Variants in CACNA1E observed in about 807,000 individuals in gnomAD.
CACNA1E encodes calcium voltage-gated channel subunit alpha1 E, also known as voltage-dependent R-type calcium channel subunit alpha-1E.
CACNA1E carries 40 observed loss-of-function variants against 259.2 expected under a neutral mutation model. The ratio of observed to expected loss-of-function variants is 0.15; its 90% CI spans 0.12 to 0.20. The LOEUF (loss-of-function observed/expected upper bound fraction) is 0.20, where lower values mean the gene tolerates loss of function less well. Among genes scored for constraint, CACNA1E ranks in the 10% least tolerant of loss-of-function variants. The pLI is 1.00. For synonymous variants in CACNA1E, 1,104 were observed against 1,138.5 expected (o/e 0.97, Z 0.61); for missense variants, 1,874 against 3,040.1 (o/e 0.62, Z 9.02).
Position 181,755,942 on chromosome 1 carries a change from T to C in CACNA1E, c.3990-14T>C. On this transcript the variant is annotated splice_polypyrimidine_tract_variant and intron_variant, in intron 28 of 47. Transcript: ENST00000367573. ...TAGTGAGGAGGCTCTCTTTCATTTCTGCTCTGGTTTTAGAGGCAACTATGT... is the reference window on the plus strand; with the variant it reads ...TAGTGAGGAGGCTCTCTTTCATTTCCGCTCTGGTTTTAGAGGCAACTATGT... The C allele has an allele frequency of 1.2e-6, 2 of 1,611,324 alleles. No homozygotes were observed. The highest frequency in any genetic ancestry group is 4.5e-5 in the East Asian group (2 of 44,842).
At chr1:181,729,581 T>A (rs1479164513) in intron 18 of CACNA1E, among the ~76,000 whole-genome samples, 1 of 152,204 alleles carries the variant, frequency 6.6e-6, no homozygotes, top group Non-Finnish European at 1.5e-5. Flanking sequence ...TATTTCCTCA[T>A]CTTTGAAATG....
chr1:181,318,598 G>C (rs2609478), intron 1 of CACNA1E, among the ~76,000 whole-genome samples: 2,252 of 152,284 alleles, frequency 0.015, 26 homozygotes, highest in Non-Finnish European at 0.023. Flanking sequence ...CCATGCCTCC[G>C]GGCGCGGGCG....
intron 3 of CACNA1E, among the ~76,000 whole-genome samples, chr1:181,538,256 A>T (rs1668319848): frequency 6.6e-6 from 1 of 152,250 alleles, no homozygotes; most frequent in African/African-American, 2.4e-5. Context: ...ATGAGTTTTA[A>T]AAAATCAGTT....
rs756431271 is a variant in CACNA1E, at chr1:181,750,494, A to G, written c.3731+7A>G. The G allele has an allele frequency of 3.2e-5, 51 of 1,612,328 alleles. No homozygotes were observed. Among genetic ancestry groups the G allele is most frequent in the Non-Finnish European group, 4.2e-5 (50 of 1,178,688 alleles). ...TCCATAGGAACGCTTTGGGGTAAAT[A>G]TGTTCGATTATCTTTGAAGTAAACG... is the stretch of plus-strand genomic sequence containing the variant. On this transcript the variant is annotated splice_region_variant and intron_variant, in intron 26 of 47. Coordinates refer to ENST00000367573, the MANE Select transcript of CACNA1E (RefSeq NM_001205293.3).
At chr1:181,401,461 G>A (rs1225354812) in intron 1 of CACNA1E, among the ~76,000 whole-genome samples, 1 of 152,172 alleles carries the variant, frequency 6.6e-6, no homozygotes, top group Non-Finnish European at 1.5e-5. Context: ...CTGGCACAAT[G>A]TTGGGCAAGT....
At chr1:181,341,835 A>T (rs1177188549) in intron 1 of CACNA1E, among the ~76,000 whole-genome samples, 1 of 152,226 alleles carries the variant, frequency 6.6e-6, no homozygotes, top group Non-Finnish European at 1.5e-5. Context: ...CCATCCATTC[A>T]TTCAAAAAGG....
At position 181,794,877 on chromosome 1, in the gene CACNA1E, C is replaced by G. The variant is rs1213927289; in HGVS notation, c.6041C>G (p.Pro2014Arg). The part of the protein sequence containing the change: ...LTVDPQVVTD[P>R]SSMRRSFSTI... Reference sequence around the variant, plus strand: ...TTGTATTTCCAGGTGGTGACAGACCCTAGCTCCATGAGACGTTCATTTTCC... The same window carrying G: ...TTGTATTTCCAGGTGGTGACAGACCGTAGCTCCATGAGACGTTCATTTTCC... Residue 2014 changes from proline to arginine, a missense_variant, in exon 46 of 48, where the codon CCT becomes CGT. This residue lies in a region of CACNA1E where 542 missense variants were observed against 587.2 expected (regional missense o/e 0.92). Transcript: ENST00000367573. 6.2e-7 allele frequency: 1 copy of G among 1,613,028 alleles called. No individual in the cohort carries two copies. The highest frequency in any genetic ancestry group is 8.5e-7 in the Non-Finnish European group (1 of 1,179,388).
chr1:181,735,510 G>A (rs966906773), intron 21 of CACNA1E, among the ~76,000 whole-genome samples: 1 of 152,162 alleles, frequency 6.6e-6, no homozygotes, highest in Non-Finnish European at 1.5e-5. Context: ...CACTGTGACA[G>A]CTTCAGCCTC....
chr1:181,430,336 C>T (rs530594906), intron 2 of CACNA1E, among the ~76,000 whole-genome samples: 3 of 152,122 alleles, frequency 2.0e-5, no homozygotes, highest in East Asian at 1.9e-4. Context: ...AGAGGGGACC[C>T]GAAAGAGGGT....
chr1:181,557,317 C>G (rs958911823), intron 3 of CACNA1E, among the ~76,000 whole-genome samples: 1 of 152,204 alleles, frequency 6.6e-6, no homozygotes, highest in Non-Finnish European at 1.5e-5. Flanking sequence ...GGAGCCTCTG[C>G]GTATTACTCA....
At chr1:181,667,191 A>T (rs1480420865) in intron 7 of CACNA1E, among the ~76,000 whole-genome samples, 1 of 152,158 alleles carries the variant, frequency 6.6e-6, no homozygotes, top group Non-Finnish European at 1.5e-5. Flanking sequence ...ATAAGTAATA[A>T]GATTGTAATA....
chr1:181,761,014 G>A lies in CACNA1E; in HGVS notation c.4606-1560G>A, dbSNP rs920107105. 7.2e-5 allele frequency among the ~76,000 whole-genome samples: 11 copies of A among 152,144 alleles called. 1 individual carries two copies. The highest frequency in any genetic ancestry group is 4.2e-4 in the South Asian group (2 of 4,818). ...GAGAGCCCTGAGAATTGAGGAATTC[G>A]GAGACTTAATTTAGCTCCACCACTG... On this transcript the variant is annotated intron_variant, in intron 32 of 47. Transcript: ENST00000367573.
chr1:181,505,625 C>T (rs1005193308), intron 1 of CACNA1E, among the ~76,000 whole-genome samples: 45 of 152,112 alleles, frequency 3.0e-4, no homozygotes, highest in African/African-American at 1.0e-3. Context: ...CTGCCCACCT[C>T]GGCTTCTGAA....
chr1:181,435,799 A>G (rs138865480), intron 2 of CACNA1E, among the ~76,000 whole-genome samples: 2 of 152,320 alleles, frequency 1.3e-5, no homozygotes, highest in East Asian at 3.9e-4. Context: ...GCTTAATGAT[A>G]TTTCTGGAGT....
intron 18 of CACNA1E, among the ~76,000 whole-genome samples, chr1:181,726,461 A>T (rs1654916194): frequency 6.6e-6 from 1 of 152,222 alleles, no homozygotes; most frequent in African/African-American, 2.4e-5. Flanking sequence ...GCCAGAAGGG[A>T]TTCTCTGAAG....
At position 181,341,445 on chromosome 1, in the gene CACNA1E, TC is replaced by T. The variant is rs559837589; in HGVS notation, c.-15+23325del. Among the ~76,000 whole-genome samples the T allele has an allele frequency of 3.3e-3, 497 of 152,296 alleles. 2 individuals are homozygous for T. Among genetic ancestry groups the T allele is most frequent in the Non-Finnish European group, 5.5e-3 (377 of 68,006 alleles). On this transcript the variant is annotated intron_variant, in intron 1 of 11. Transcript: ENST00000524607. ...TAATGAAACACCCCCACCTTCCTCCTCCCTTGTCTAGACGAGGATTAAAGGC... is the reference window on the plus strand; with the variant it reads ...TAATGAAACACCCCCACCTTCCTCCTCCTTGTCTAGACGAGGATTAAAGGC...
intron 2 of CACNA1E, among the ~76,000 whole-genome samples, chr1:181,455,756 C>T (rs947838824): frequency 6.6e-6 from 1 of 152,180 alleles, no homozygotes; most frequent in Non-Finnish European, 1.5e-5. Context: ...AATTTAGACT[C>T]ATTAATGGGT....
Position 181,732,914 on chromosome 1 carries a change from G to A in CACNA1E, c.2828G>A (p.Ser943Asn). The A allele has an allele frequency of 1.9e-6, 3 of 1,614,080 alleles. No individual in the cohort carries two copies. The change falls in exon 20 of 48, where the codon AGC (serine) becomes AAC (asparagine). Residue 943 changes from serine (S) to asparagine (N), a missense_variant. This residue lies in a region of CACNA1E where 476 missense variants were observed against 514.0 expected (regional missense o/e 0.93). Transcript: ENST00000367573. This position sits in a 1 kb window ranked among gnomAD's most constrained non-coding sequence, Gnocchi z 5.5. ...SSSASRSRSA[S>N]QERSLDEAMP... ...TCAGCCTCCCGGAGCAGGTCTGCCA[G>A]CCAGGAACGCAGTCTGGATGAAGCC...
At chr1:181,350,591 G>T (rs1399728570) in intron 1 of CACNA1E, among the ~76,000 whole-genome samples, 1 of 152,106 alleles carries the variant, frequency 6.6e-6, no homozygotes, top group Non-Finnish European at 1.5e-5. Flanking sequence ...TGAGTCCCTT[G>T]GCAGCATTGG....
Sources: allele counts gnomAD v4.1 joint callset (sites outside exome capture counted in the v4.1 genomes callset), GRCh38; gene constraint gnomAD v4.1.1; regional missense constraint gnomAD v4.1.1; non-coding constraint Gnocchi (gnomAD v3.1); transcripts MANE v1.5; gene names NCBI Gene and HGNC (gene_info 2026-07-23, HGNC 2026-07-21).